The following CDCA5 variants were observed in gnomAD, a reference collection of about 807,000 sequenced individuals.
CDCA5 encodes cell division cycle associated 5.
CDCA5 carries 14 observed loss-of-function variants against 25.7 expected under a neutral mutation model. The ratio of observed to expected loss-of-function variants is 0.54; its 90% CI spans 0.36 to 0.85. The LOEUF is 0.85. CDCA5 is among the 40% of genes least tolerant of loss of function. The pLI, the probability that CDCA5 is intolerant of heterozygous loss-of-function variation, is 0.01. For missense variants in CDCA5, 307 were observed against 324.5 expected, an observed-to-expected ratio of 0.95 and a Z score of 0.41; for synonymous variants, 127 against 128.7, an observed-to-expected ratio of 0.99 and a Z score of 0.09.
chr11:65,063,994 G>A (rs1947208803), downstream of CDCA5, among the ~76,000 whole-genome samples: 1 of 152,172 alleles, frequency 6.6e-6, no homozygotes, highest in Non-Finnish European at 1.5e-5. Flanking sequence ...GGATGCATTC[G>A]AATCTATAAG....
At position 65,083,488 on chromosome 11, in the gene CDCA5, T is replaced by G. The variant is rs759406889; in HGVS notation, c.204A>C (p.Val68=). ...IVLKRIVAHA[V]EVPAVQSPRR... ...CAACACTCTCCTTAGCCTTTACCTC[T>G]ACAGCATGGGCCACGATCCTCTTTA... Residue 68 remains valine, a synonymous_variant, in exon 3 of 6, where the codon GTA becomes GTC. Transcript: ENST00000275517. 3 of 1,614,198 alleles carry G rather than the reference T, an allele frequency of 1.9e-6. No individual in the cohort carries two copies. Among genetic ancestry groups the G allele is most frequent in the Non-Finnish European group, 2.5e-6 (3 of 1,180,036 alleles).
At chr11:65,063,494 G>A (rs554160260), downstream of CDCA5, among the ~76,000 whole-genome samples, 16 of 152,298 alleles carry the variant, frequency 1.1e-4, no homozygotes, top group South Asian at 2.3e-3. Flanking sequence ...TTCATCCTCC[G>A]AGGTGGACAC....
At position 65,083,731 on chromosome 11, in the gene CDCA5, G is replaced by A. The variant is rs1947627280; in HGVS notation, c.47-8C>T. 3 of 1,607,166 alleles carry A rather than the reference G, an allele frequency of 1.9e-6. No homozygotes were observed. The highest frequency in any genetic ancestry group is 8.5e-7 in the Non-Finnish European group (1 of 1,177,688). On this transcript the variant is annotated splice_polypyrimidine_tract_variant and splice_region_variant and intron_variant, in intron 1 of 5. Coordinates refer to ENST00000275517, the MANE Select transcript of CDCA5 (RefSeq NM_080668.4). ...GAGATGGGGCCCTTGGCCCTGGAAAGAGAAAAAAGTTAAGTGGTAGAGGAG... is the reference window on the plus strand; with the variant it reads ...GAGATGGGGCCCTTGGCCCTGGAAAAAGAAAAAAGTTAAGTGGTAGAGGAG...
downstream of CDCA5, among the ~76,000 whole-genome samples, chr11:65,073,487 A>T (rs1190204593): frequency 6.6e-6 from 1 of 152,146 alleles, no homozygotes; most frequent in Non-Finnish European, 1.5e-5. Flanking sequence ...AGACTTAATG[A>T]CGCGGGGCTC....
In CDCA5 at chr11:65,078,671, A is replaced by C. The variant is rs756000664; in HGVS notation, c.*436T>G. On this transcript the variant is annotated 3_prime_UTR_variant, in exon 6 of 6. Coordinates refer to ENST00000275517, the MANE Select transcript of CDCA5 (RefSeq NM_080668.4). Reference sequence around the variant, plus strand: ...GGTTCAAGAAGAAAGCCACCAACAGAAGGCAACTCAGGAGGGAGAGGCCGA... The same window carrying C: ...GGTTCAAGAAGAAAGCCACCAACAGCAGGCAACTCAGGAGGGAGAGGCCGA... 2.0e-6 allele frequency: 2 copies of C among 996,710 alleles called. No individual in the cohort carries two copies. The highest frequency in any genetic ancestry group is 9.3e-5 in the South Asian group (2 of 21,394). The allele number at this position is 996,710 out of a possible 1,614,324, so 61.7% of individuals were successfully genotyped here.
intron 5 of CDCA5, chr11:65,066,694 G>A: frequency 1.6e-6 from 2 of 1,288,256 alleles, no homozygotes; most frequent in Non-Finnish European, 2.0e-6. Context: ...ACAAAGGGTT[G>A]CAGGGCTCGA....
At chr11:65,079,888 A>G in intron 4 of CDCA5, 101 bp from the exon 5 acceptor site, 3 of 841,720 alleles carry the variant, frequency 3.6e-6, no homozygotes, top group Non-Finnish European at 5.0e-6. Flanking sequence ...CACAGGACAC[A>G]CACTTTTTTT....
downstream of CDCA5, among the ~76,000 whole-genome samples, chr11:65,074,625 G>A (rs1947403946): frequency 6.6e-6 from 1 of 151,422 alleles, no homozygotes; most frequent in African/African-American, 2.4e-5. Flanking sequence ...TGTAGTCTCA[G>A]CTACTTGGGC....
downstream of CDCA5, among the ~76,000 whole-genome samples, chr11:65,073,559 G>C (rs539038188): frequency 2.0e-5 from 3 of 152,206 alleles, no homozygotes; most frequent in East Asian, 3.9e-4. Context: ...CAGAGGCAGG[G>C]ACCTCCAAGC....
rs1179025730 is a variant in CDCA5 at position 65,083,832 on chromosome 11, G to A, written c.46+101C>T. 1.5e-5 allele frequency: 24 copies of A among 1,584,420 alleles called. No homozygotes were observed. The Admixed American group carries it at 1.7e-4, about 11-fold the overall frequency. On this transcript the variant is annotated intron_variant, in intron 1 of 5. Transcript: ENST00000275517. ...TTCCCAAACAAGCCCTTTTAAGGGC[G>A]CCTCCTCCGGCGGCGGCAGCGGGAG...
In CDCA5 at chr11:65,079,816, T is replaced by C. The variant is rs566235838; in HGVS notation, c.244-29A>G. The C allele has an allele frequency of 2.8e-5, 40 of 1,439,042 alleles. No individual in the cohort carries two copies. In the East Asian group the frequency reaches 9.8e-4, roughly 35 times the overall value. The allele number at this position is 1,439,042 out of a possible 1,614,324, so 89.1% of individuals were successfully genotyped here. A position where few individuals can be genotyped will look rare whatever the true frequency, so the allele number is the denominator to read the frequency against. On this transcript the variant is annotated intron_variant, in intron 4 of 5. Coordinates refer to ENST00000275517, the MANE Select transcript of CDCA5 (RefSeq NM_080668.4). The stretch of plus-strand genomic sequence containing the variant: ...CACCAGGACAGAAGAGGGGATGCCC[T>C]CAATACTTAGCTGGACTGCTTACTT...
chr11:65,066,542 G>A (rs1008234749), intron 6 of CDCA5: 2 of 1,289,240 alleles, frequency 1.6e-6, no homozygotes, highest in Non-Finnish European at 1.0e-6. Flanking sequence ...TGCCATGGCT[G>A]CCCGCACACC....
Position 65,077,847 on chromosome 11 carries a change from G to T in CDCA5, c.*1260C>A. ...GCACTCATCTTCCCTGGCATTCTCT[G>T]TTATCCACCAGCTCCTCTGCACACC... On this transcript the variant is annotated 3_prime_UTR_variant, in exon 6 of 6. Transcript: ENST00000275517. 1 of 985,832 alleles carries T rather than the reference G, an allele frequency of 1.0e-6. No homozygotes were observed. The highest frequency in any genetic ancestry group is 1.2e-6 in the Non-Finnish European group (1 of 830,114). 61.1% of individuals were successfully genotyped at this position (985,832 alleles called of 1,614,324 possible).
At chr11:65,068,548 C>T (rs1353926683) in exon 2 of CDCA5, 2 of 1,289,334 alleles carry the variant, frequency 1.6e-6, no homozygotes, top group South Asian at 1.2e-5. Context: ...CAACAGGCTG[C>T]ACCACTGGCT....
At chr11:65,073,665 A>G (rs566449799), downstream of CDCA5, among the ~76,000 whole-genome samples, 8 of 152,314 alleles carry the variant, frequency 5.3e-5, no homozygotes, top group African/African-American at 1.9e-4. Context: ...GGAGCCCCCT[A>G]GACCAGCCAG....
intron 3 of CDCA5, chr11:65,067,932 G>T: frequency 1.1e-6 from 1 of 943,502 alleles, no homozygotes; most frequent in Non-Finnish European, 1.5e-6. Flanking sequence ...GTGTGGGGTG[G>T]GGAGAAACAC....
rs76019560 is a variant in CDCA5, at chr11:65,068,646, C to T, written c.64-45G>A. ...GCTAGTCACTCACATCTACCATCCCCGCTATGCCATTTCTAGCCTGGTCTG... is the reference window on the plus strand; with the variant it reads ...GCTAGTCACTCACATCTACCATCCCTGCTATGCCATTTCTAGCCTGGTCTG... On this transcript the variant is annotated intron_variant, in intron 1 of 6. Coordinates refer to the CDCA5 transcript ENST00000525464. The T allele has an allele frequency of 4.3e-3, 5,055 of 1,164,582 alleles. 171 individuals carry two copies. The African/African-American group carries it at 0.068, about 16-fold the overall frequency. The allele number at this position is 1,164,582 out of a possible 1,614,324, so 72.1% of individuals were successfully genotyped here.
At chr11:65,077,239 A>G (rs911007241), downstream of CDCA5, among the ~76,000 whole-genome samples, 2 of 152,086 alleles carry the variant, frequency 1.3e-5, no homozygotes, top group Admixed American at 6.6e-5. Flanking sequence ...GTCAACTGAG[A>G]TCACGCCACT....
At chr11:65,073,678 T>G (rs1947385292), downstream of CDCA5, among the ~76,000 whole-genome samples, 1 of 151,920 alleles carries the variant, frequency 6.6e-6, no homozygotes, top group South Asian at 2.1e-4. Flanking sequence ...CCAGCCAGGG[T>G]TCTGGGGTGC....
Sources: allele counts gnomAD v4.1 joint callset (sites outside exome capture counted in the v4.1 genomes callset), GRCh38; gene constraint gnomAD v4.1.1; transcripts MANE v1.5; gene names NCBI Gene and HGNC (gene_info 2026-07-23, HGNC 2026-07-21).